Variants in MGAM observed in about 807,000 individuals in gnomAD.
The protein encoded by MGAM is alpha-1,4-glucosidase.
MGAM carries 253 observed loss-of-function variants against 358.8 expected under a neutral mutation model. The observed-to-expected ratio is 0.71, with a 90% CI of 0.64 to 0.78. The LOEUF (loss-of-function observed/expected upper bound fraction) is 0.78, where lower values mean the gene tolerates loss of function less well. Among genes scored for constraint, MGAM ranks in the 30% least tolerant of loss-of-function variants. The pLI is 0.00. For missense variants in MGAM, 3,080 were observed against 3,432.6 expected, an observed-to-expected ratio of 0.90 and a Z score of 2.57; for synonymous variants, 1,105 against 1,227.1, an observed-to-expected ratio of 0.90 and a Z score of 2.08.
chr7:142,082,994 C>A (rs1337080764), intron 52 of MGAM, among the ~76,000 whole-genome samples: 1 of 146,108 alleles, frequency 6.8e-6, no homozygotes, highest in Non-Finnish European at 1.5e-5. Flanking sequence ...ACTTCAGCAT[C>A]GTGCAATATT....
chr7:142,044,371 A>G (rs1172310027), intron 21 of MGAM, among the ~76,000 whole-genome samples: 1 of 132,118 alleles, frequency 7.6e-6, no homozygotes, highest in Non-Finnish European at 1.6e-5. Context: ...TATATGATAT[A>G]TAATGAATAT....
chr7:142,009,263 C>G (rs1404151144), intron 3 of MGAM, among the ~76,000 whole-genome samples: 3 of 152,120 alleles, frequency 2.0e-5, no homozygotes, highest in African/African-American at 7.2e-5. Context: ...TGGGCATTTA[C>G]CTTAGCCCAG....
rs377088094 is a variant in MGAM, at chr7:142,052,396, G to A, written c.2908G>A (p.Glu970Lys). Reference protein sequence around the residue: ...DEEKIDCYPDENGASAENCTA... With the variant: ...DEEKIDCYPDKNGASAENCTA... The stretch of plus-strand genomic sequence containing the variant: ...AGAAAAAATAGACTGTTACCCTGAT[G>A]AGAATGGTGCTTCTGCCGAAAACTG... Residue 970 changes from glutamate (E) to lysine (K), a missense_variant, in exon 25 of 71, where the codon GAG (glutamate) becomes AAG (lysine). This residue lies in a region of MGAM where 1,816 missense variants were observed against 1,840.5 expected (regional missense o/e 0.99). Coordinates refer to ENST00000475668, the MANE Select transcript of MGAM (RefSeq NM_001365693.1). 6 of 1,613,368 alleles carry A rather than the reference G, an allele frequency of 3.7e-6. No individual in the cohort carries two copies. The African/African-American group carries it at 4.0e-5, about 11-fold the overall frequency.
Position 142,068,153 on chromosome 7 carries a change from AT to A in MGAM, c.5005-485del, listed in dbSNP as rs113036100. ...AGGCATGTGCCACCATTCCCGGCTA[AT>A]TTTTTTTTCTTTTTTTGTATGTTTA... On this transcript the variant is annotated intron_variant, in intron 42 of 70. Coordinates refer to ENST00000475668, the MANE Select transcript of MGAM (RefSeq NM_001365693.1). Among the ~76,000 whole-genome samples, 3 of 125,120 alleles carry A rather than the reference AT, an allele frequency of 2.4e-5. 1 individual carries two copies. The highest frequency in any genetic ancestry group is 8.6e-5 in the Admixed American group (1 of 11,672). 82.1% of individuals were successfully genotyped at this position (125,120 alleles called of 152,430 possible).
In MGAM at chr7:142,045,223, A is replaced by T. The variant is rs1315185593; in HGVS notation, c.2499-2562A>T. Reference sequence around the variant, plus strand: ...TATATTATATAACATATATGTATATAATATATATTATATATCATATAATAT... The same window carrying T: ...TATATTATATAACATATATGTATATTATATATATTATATATCATATAATAT... On this transcript the variant is annotated intron_variant, in intron 21 of 70. Transcript: ENST00000475668. Among the ~76,000 whole-genome samples, 175 of 80,562 alleles carry T rather than the reference A, an allele frequency of 2.2e-3. 12 individuals carry two copies. In the Admixed American group the frequency reaches 0.027, roughly 13 times the overall value. The allele number at this position is 80,562 out of a possible 152,430, so 52.9% of individuals were successfully genotyped here.
rs1554458908 is a variant in MGAM, at chr7:142,021,691, C to G, written c.664C>G (p.Gln222Glu). 6.2e-7 allele frequency: 1 copy of G among 1,613,944 alleles called. No homozygotes were observed. The highest frequency in any genetic ancestry group is 1.1e-5 in the South Asian group (1 of 91,086). Residue 222 changes from glutamine (Q) to glutamate (E), a missense_variant, in exon 6 of 71, where the codon CAG becomes GAG. Gln to Glu is a conservative substitution (Grantham distance 29). This residue lies in a region of MGAM where 1,816 missense variants were observed against 1,840.5 expected (regional missense o/e 0.99). Transcript: ENST00000475668. ...SLTYQVEISR[Q>E]PFSIKVTRRS... The stretch of plus-strand genomic sequence containing the variant: ...GACCTACCAAGTTGAAATCTCCAGA[C>G]AGCCATTTAGCATCAAAGTGACCAG...
intron 3 of MGAM, among the ~76,000 whole-genome samples, chr7:142,009,000 G>A (rs1379656695): frequency 6.6e-6 from 1 of 152,098 alleles, no homozygotes; most frequent in Non-Finnish European, 1.5e-5. Context: ...GTATAAGTGT[G>A]TCCCGTGAAA....
At position 142,068,684 on chromosome 7, in the gene MGAM, G is replaced by A. The variant is rs756917594; in HGVS notation, c.5042G>A (p.Arg1681His). The A allele has an allele frequency of 3.0e-5, 46 of 1,535,038 alleles. 4 individuals are homozygous for A. Among genetic ancestry groups the A allele is most frequent in the South Asian group, 1.8e-4 (16 of 88,880 alleles). Residue 1681 changes from arginine (R) to histidine (H), a missense_variant, in exon 43 of 71, where the codon CGT (arginine) becomes CAT (histidine). By Grantham distance (29) the Arg-to-His change is conservative. This residue lies in a region of MGAM where 932 missense variants were observed against 1,198.2 expected (regional missense o/e 0.78). Coordinates refer to ENST00000475668, the MANE Select transcript of MGAM (RefSeq NM_001365693.1). Reference protein sequence around the residue: ...RNVTAYFPRARWYDYYTGVDI... With the variant: ...RNVTAYFPRAHWYDYYTGVDI... ...GTCACTGCATATTTCCCTAGAGCCC[G>A]TTGGTACGATTACTACACGGTAAGT... is the stretch of plus-strand genomic sequence containing the variant.
intron 37 of MGAM, 66 bp from the exon 38 acceptor site, chr7:142,065,269 C>G (rs890586246): frequency 3.2e-6 from 5 of 1,564,658 alleles, no homozygotes; most frequent in Non-Finnish European, 4.3e-6. Flanking sequence ...GCTCTGGGAG[C>G]AGAAGCTCTA....
chr7:142,082,426 A>G, intron 51 of MGAM, 49 bp from the exon 52 acceptor site: 2 of 1,378,620 alleles, frequency 1.5e-6, no homozygotes, highest in South Asian at 1.2e-5. Flanking sequence ...TTTCTTTCTC[A>G]GGCATAATGT....
chr7:142,047,930 C>G (rs1810541671), intron 22 of MGAM, 57 bp downstream of exon 22: 7 of 1,271,218 alleles, frequency 5.5e-6, no homozygotes, highest in South Asian at 1.2e-5. Context: ...GACTTATGGT[C>G]CTTCACTCCT....
intron 3 of MGAM, among the ~76,000 whole-genome samples, chr7:142,017,890 A>G (rs2128992607): frequency 6.6e-6 from 1 of 152,332 alleles, no homozygotes; most frequent in Admixed American, 6.5e-5. Context: ...GAGTATAGAA[A>G]AAAAAGAAAT....
intron 3 of MGAM, among the ~76,000 whole-genome samples, chr7:142,011,030 A>G (rs532392859): frequency 1.3e-5 from 2 of 152,320 alleles, no homozygotes; most frequent in Admixed American, 6.5e-5. Flanking sequence ...TTTCAGGGCT[A>G]TAAAGCACTG....
At chr7:142,024,413 GGAAA>G (rs60191056) in intron 7 of MGAM, among the ~76,000 whole-genome samples, 7,224 of 84,962 alleles carry the variant, frequency 0.085, 378 homozygotes, top group East Asian at 0.45. Flanking sequence ...GACCCTGTCT[GGAAA>G]AAAAAAAAAA....
At chr7:142,103,898 C>T (rs1049122315) in intron 70 of MGAM, among the ~76,000 whole-genome samples, 3 of 151,542 alleles carry the variant, frequency 2.0e-5, no homozygotes, top group South Asian at 2.1e-4. Flanking sequence ...ACTCTGTTGC[C>T]CAGGCTGGAG....
At chr7:142,030,818 CTGTGTG>C (rs66639847) in intron 12 of MGAM, 61 bp downstream of exon 12, 83 of 783,498 alleles carry the variant, frequency 1.1e-4, no homozygotes, top group East Asian at 1.7e-4. Context: ...TTGAATGTGT[CTGTGTG>C]TGTGTGTGTG....
At chr7:142,077,056 C>T (rs1490570058) in intron 47 of MGAM, among the ~76,000 whole-genome samples, 3 of 145,064 alleles carry the variant, frequency 2.1e-5, no homozygotes, top group African/African-American at 7.3e-5. Context: ...TATCAGTGTT[C>T]CCATCTCTCT....
At chr7:142,042,811 A>G (rs1221439088) in intron 21 of MGAM, among the ~76,000 whole-genome samples, 2 of 63,052 alleles carry the variant, frequency 3.2e-5, no homozygotes, top group Non-Finnish European at 5.7e-5. Flanking sequence ...ATATCTAAAT[A>G]TAATATCTAA....
At chr7:142,001,450 A>G (rs1297435563) in intron 1 of MGAM, among the ~76,000 whole-genome samples, 1 of 152,224 alleles carries the variant, frequency 6.6e-6, no homozygotes, top group Non-Finnish European at 1.5e-5. Flanking sequence ...ATATCAAACA[A>G]TTCCTAAATT....
Sources: allele counts gnomAD v4.1 joint callset (sites outside exome capture counted in the v4.1 genomes callset), GRCh38; gene constraint gnomAD v4.1.1; regional missense constraint gnomAD v4.1.1; transcripts MANE v1.5; gene names NCBI Gene and HGNC (gene_info 2026-07-23, HGNC 2026-07-21).